Variants in ADAMTSL3 observed in about 807,000 individuals in gnomAD.
ADAMTSL3 encodes ADAMTS like 3.
Under a neutral mutation model 201.7 loss-of-function variants are expected in ADAMTSL3, and 128 were observed. The ratio of observed to expected loss-of-function variants is 0.63; its 90% CI spans 0.55 to 0.73. The LOEUF is 0.73. Ranked by LOEUF, ADAMTSL3 falls within the 30% of genes least tolerant of loss-of-function variation. The pLI is 0.00. For missense variants in ADAMTSL3, 1,990 were observed against 2,119.6 expected, an observed-to-expected ratio of 0.94 and a Z score of 1.20; for synonymous variants, 738 against 748.4, an observed-to-expected ratio of 0.99 and a Z score of 0.23.
intron 7 of ADAMTSL3, among the ~76,000 whole-genome samples, chr15:83,841,225 T>C (rs550986126): frequency 6.6e-6 from 1 of 152,376 alleles, no homozygotes; most frequent in Admixed American, 6.5e-5. Flanking sequence ...TTCAGACTTA[T>C]CATTTAATTC....
At chr15:83,993,552 C>T (rs2067622780) in intron 23 of ADAMTSL3, among the ~76,000 whole-genome samples, 1 of 152,180 alleles carries the variant, frequency 6.6e-6, no homozygotes, top group Non-Finnish European at 1.5e-5. Context: ...ATATTCATAG[C>T]TTCTAGAGAA....
chr15:83,861,727 A>G (rs1294331389), intron 8 of ADAMTSL3: 6 of 152,214 alleles, frequency 3.9e-5, no homozygotes, highest in Admixed American at 1.3e-4. Flanking sequence ...TCCTCCTCCA[A>G]AGGAACACAG....
At chr15:83,798,739 A>G (rs2063470253) in intron 4 of ADAMTSL3, among the ~76,000 whole-genome samples, 4 of 146,036 alleles carry the variant, frequency 2.7e-5, no homozygotes. Flanking sequence ...ACTGGGAGGC[A>G]GAGGTTGCAG....
intron 9 of ADAMTSL3, among the ~76,000 whole-genome samples, chr15:83,871,888 T>C (rs911320567): frequency 2.0e-5 from 3 of 152,230 alleles, no homozygotes; most frequent in Non-Finnish European, 4.4e-5. Flanking sequence ...TTACCAGTTA[T>C]ATTTTTCTGT....
At chr15:83,801,645 AATATAAATATATATATATATATAT>A (rs1166599734) in intron 4 of ADAMTSL3, among the ~76,000 whole-genome samples, 2 of 43,902 alleles carry the variant, frequency 4.6e-5, no homozygotes, top group Admixed American at 4.4e-4. Context: ...TAAATATATA[AATATAAATATATATATATATATAT>A]ATATATATAT....
intron 19 of ADAMTSL3, among the ~76,000 whole-genome samples, chr15:83,948,786 CT>C (rs113512165): frequency 0.24 from 36,822 of 151,950 alleles, 4,991 homozygotes; most frequent in East Asian, 0.32. Flanking sequence ...TCTTCTTTTA[CT>C]CATTTTTATT....
chr15:83,832,754 G>A (rs984189599), intron 6 of ADAMTSL3, among the ~76,000 whole-genome samples: 2 of 152,114 alleles, frequency 1.3e-5, no homozygotes, highest in Admixed American at 1.3e-4. Context: ...GTAAATGTCT[G>A]TATAGTTTTC....
intron 24 of ADAMTSL3, among the ~76,000 whole-genome samples, chr15:84,015,627 T>A (rs1417514861): frequency 1.3e-5 from 2 of 152,212 alleles, no homozygotes; most frequent in African/African-American, 4.8e-5. Context: ...TCATGGACTC[T>A]TAGTACTGAC....
intron 7 of ADAMTSL3, among the ~76,000 whole-genome samples, chr15:83,844,955 A>C (rs2064464566): frequency 6.6e-6 from 1 of 152,130 alleles, no homozygotes; most frequent in Non-Finnish European, 1.5e-5. Context: ...GTGTTACATC[A>C]TGTGCTGCCA....
chr15:83,728,973 G>T (rs11635064), intron 3 of ADAMTSL3, among the ~76,000 whole-genome samples: 2 of 151,896 alleles, frequency 1.3e-5, no homozygotes, highest in Non-Finnish European at 2.9e-5. Context: ...TGTTTGTCTG[G>T]GAAAGTCCTT....
chr15:83,937,901 C>T (rs983273931), intron 17 of ADAMTSL3, among the ~76,000 whole-genome samples: 1 of 150,658 alleles, frequency 6.6e-6, no homozygotes, highest in African/African-American at 2.5e-5. Context: ...GCTAAGTGGT[C>T]CACAAAAATA....
At chr15:83,788,527 T>G (rs2063297879) in intron 4 of ADAMTSL3, among the ~76,000 whole-genome samples, 1 of 152,216 alleles carries the variant, frequency 6.6e-6, no homozygotes, top group Admixed American at 6.5e-5. Context: ...CCTCAGAAAT[T>G]TGAAGGCTTT....
chr15:83,798,621 C>T (rs1181995789), intron 4 of ADAMTSL3, among the ~76,000 whole-genome samples: 1 of 152,020 alleles, frequency 6.6e-6, no homozygotes, highest in African/African-American at 2.4e-5. Flanking sequence ...GCCTGACCAA[C>T]ATGGTGAAAC....
intron 3 of ADAMTSL3, among the ~76,000 whole-genome samples, chr15:83,763,039 A>G (rs898798951): frequency 2.6e-5 from 4 of 152,094 alleles, no homozygotes; most frequent in African/African-American, 7.2e-5. Flanking sequence ...AGTGCACACC[A>G]TTACACTTGA....
chr15:83,891,085 A>G, intron 11 of ADAMTSL3: 2 of 435,678 alleles, frequency 4.6e-6, no homozygotes, highest in Non-Finnish European at 8.1e-6. Flanking sequence ...TTCTCCTTTG[A>G]TTAATATACT....
chr15:83,895,577 G>T (rs2065596363), intron 13 of ADAMTSL3, among the ~76,000 whole-genome samples: 2 of 152,256 alleles, frequency 1.3e-5, no homozygotes, highest in East Asian at 3.9e-4. Context: ...GACATATGCA[G>T]CTCCACAGAG....
intron 3 of ADAMTSL3, among the ~76,000 whole-genome samples, chr15:83,728,154 A>G (rs943020869): frequency 1.3e-5 from 2 of 151,804 alleles, no homozygotes; most frequent in Admixed American, 6.6e-5. Flanking sequence ...GTCTTGAAAT[A>G]TATTTTGTTT....
intron 3 of ADAMTSL3, among the ~76,000 whole-genome samples, chr15:83,724,164 T>C (rs958201938): frequency 6.6e-6 from 1 of 152,070 alleles, no homozygotes; most frequent in African/African-American, 2.4e-5. Context: ...AGTGATGCAA[T>C]CTCGGCTCAC....
Position 83,991,104 on chromosome 15 carries a change from C to T in ADAMTSL3, c.3863C>T (p.Ser1288Phe). The T allele has an allele frequency of 6.2e-7, 1 of 1,614,202 alleles. No homozygotes were observed. Among genetic ancestry groups the T allele is most frequent in the Non-Finnish European group, 8.5e-7 (1 of 1,180,016 alleles). The stretch of plus-strand genomic sequence containing the variant: ...AATTAAGAGGCACCTGTCATCTTGT[C>T]TGTTGAAAGAAATATCACCAAACCA... The part of the protein sequence containing the change: ...VLYAEAPVIL[S>F]VERNITKPEH... The change falls in exon 23 of 30, where the codon TCT becomes TTT. Residue 1288 changes from serine (S) to phenylalanine (F), a missense_variant. Transcript: ENST00000286744.
Sources: allele counts gnomAD v4.1 joint callset (sites outside exome capture counted in the v4.1 genomes callset), GRCh38; gene constraint gnomAD v4.1.1; transcripts MANE v1.5; gene names NCBI Gene and HGNC (gene_info 2026-07-23, HGNC 2026-07-21).